Variants in ERBB4 observed in about 807,000 individuals in gnomAD.
The protein encoded by ERBB4 is erb-b2 receptor tyrosine kinase 4, also known as receptor tyrosine-protein kinase erbB-4.
ERBB4 carries 42 observed loss-of-function variants against 158.0 expected under a neutral mutation model. The ratio of observed to expected loss-of-function variants is 0.27; its 90% CI spans 0.21 to 0.34. The LOEUF (loss-of-function observed/expected upper bound fraction) is 0.34. Ranked by LOEUF, ERBB4 falls within the 10% of genes least tolerant of loss-of-function variation. ERBB4 has a pLI of 1.00. For missense variants in ERBB4, 1,333 were observed against 1,624.1 expected (o/e 0.82, Z 3.08); for synonymous variants, 583 against 558.7 (o/e 1.04, Z -0.61).
intron 2 of ERBB4, among the ~76,000 whole-genome samples, chr2:211,978,316 C>T (rs1304402813): frequency 6.6e-6 from 1 of 151,936 alleles, no homozygotes. Context: ...ACACAGACAA[C>T]TCCAAGGACC....
chr2:211,699,589 G>A (rs1473965071), intron 12 of ERBB4, among the ~76,000 whole-genome samples: 4 of 151,820 alleles, frequency 2.6e-5, no homozygotes, highest in South Asian at 2.1e-4. Context: ...ATTCTAAGAC[G>A]TTAAAAATGA....
chr2:211,862,109 C>T (rs1406746655), intron 3 of ERBB4, among the ~76,000 whole-genome samples: 1 of 152,046 alleles, frequency 6.6e-6, no homozygotes, highest in Non-Finnish European at 1.5e-5. Flanking sequence ...AAAGGTAGTG[C>T]CATATCTCTC....
chr2:211,604,868 T>G (rs1158756084), intron 19 of ERBB4, among the ~76,000 whole-genome samples: 1 of 152,222 alleles, frequency 6.6e-6, no homozygotes, highest in Non-Finnish European at 1.5e-5. Flanking sequence ...TTGGCATATA[T>G]ATAACCCTTT....
At chr2:211,419,525 C>T (rs1459882103) in intron 25 of ERBB4, among the ~76,000 whole-genome samples, 1 of 152,024 alleles carries the variant, frequency 6.6e-6, no homozygotes, top group Non-Finnish European at 1.5e-5. Flanking sequence ...AAAAATTAAG[C>T]ATCATGTTTA....
chr2:212,165,206 A>G (rs753503582), intron 1 of ERBB4, among the ~76,000 whole-genome samples: 3 of 151,886 alleles, frequency 2.0e-5, no homozygotes, highest in Non-Finnish European at 4.4e-5. Context: ...TGGTTCAATG[A>G]GTCATGCAAG....
intron 20 of ERBB4, among the ~76,000 whole-genome samples, chr2:211,474,726 A>G (rs1180361207): frequency 1.3e-5 from 2 of 152,082 alleles, no homozygotes; most frequent in East Asian, 3.9e-4. Context: ...GAAGACATAC[A>G]TTTCTGAACC....
intron 1 of ERBB4, among the ~76,000 whole-genome samples, chr2:212,194,861 A>C (rs2105887861): frequency 6.6e-6 from 1 of 152,168 alleles, no homozygotes; most frequent in Non-Finnish European, 1.5e-5. Flanking sequence ...GGAAGATAAA[A>C]GTTTTGGGGT....
intron 20 of ERBB4, among the ~76,000 whole-genome samples, chr2:211,442,948 C>T (rs970975779): frequency 7.9e-5 from 12 of 151,910 alleles, no homozygotes; most frequent in South Asian, 4.2e-4. Context: ...CTGTGAATGG[C>T]GTGTTCCTGT....
intron 3 of ERBB4, among the ~76,000 whole-genome samples, chr2:211,820,401 A>T (rs1437722433): frequency 6.6e-6 from 1 of 151,944 alleles, no homozygotes; most frequent in Non-Finnish European, 1.5e-5. Context: ...AAAATCCTGA[A>T]CACACCAATG....
intron 20 of ERBB4, among the ~76,000 whole-genome samples, chr2:211,459,814 C>T (rs554070604): frequency 6.6e-6 from 1 of 152,130 alleles, no homozygotes; most frequent in South Asian, 2.1e-4. Context: ...GGAAAGAAGT[C>T]ATAACATTTA....
At chr2:212,526,166 C>T (rs980798579) in intron 1 of ERBB4, among the ~76,000 whole-genome samples, 1 of 151,994 alleles carries the variant, frequency 6.6e-6, no homozygotes, top group African/African-American at 2.4e-5. Context: ...CAAACTTCAT[C>T]TGTACTTCTC....
intron 1 of ERBB4, among the ~76,000 whole-genome samples, chr2:212,378,644 T>C (rs187948674): frequency 6.6e-6 from 1 of 151,994 alleles, no homozygotes; most frequent in Non-Finnish European, 1.5e-5. Context: ...AATATTTTTA[T>C]TCAATCTTCT....
At chr2:211,582,093 T>C (rs12619171) in intron 19 of ERBB4, among the ~76,000 whole-genome samples, 110,907 of 151,914 alleles carry the variant, frequency 0.73, 43,094 homozygotes, top group East Asian at 0.89. Context: ...ACTACAGGCA[T>C]GACAATTACT....
At chr2:212,479,865 A>C (rs1435258731) in intron 1 of ERBB4, among the ~76,000 whole-genome samples, 1 of 152,200 alleles carries the variant, frequency 6.6e-6, no homozygotes, top group Non-Finnish European at 1.5e-5. Context: ...TCATTTTAAC[A>C]GAGGACTTCA....
chr2:212,030,797 C>A (rs1396294863), intron 2 of ERBB4, among the ~76,000 whole-genome samples: 2 of 152,016 alleles, frequency 1.3e-5, no homozygotes, highest in East Asian at 3.9e-4. Flanking sequence ...TTTCTGGCTG[C>A]CCCAATTGTA....
At chr2:212,344,962 A>G (rs936757174) in intron 1 of ERBB4, among the ~76,000 whole-genome samples, 7 of 152,140 alleles carry the variant, frequency 4.6e-5, no homozygotes, top group Non-Finnish European at 8.8e-5. Context: ...AATAATGTTT[A>G]TAAAAGTACT....
chr2:211,525,805 G>A (rs1284863381), intron 20 of ERBB4, among the ~76,000 whole-genome samples: 2 of 152,092 alleles, frequency 1.3e-5, no homozygotes, highest in South Asian at 2.1e-4. Context: ...CGAGAGTCTG[G>A]CAATACTCCC....
intron 19 of ERBB4, among the ~76,000 whole-genome samples, chr2:211,618,145 A>G (rs1288113242): frequency 2.0e-5 from 3 of 152,016 alleles, no homozygotes; most frequent in African/African-American, 7.2e-5. Context: ...AATAAATGTC[A>G]AGGGGTAATT....
chr2:211,666,269 A>T (rs1354947974), intron 14 of ERBB4, among the ~76,000 whole-genome samples: 1 of 152,156 alleles, frequency 6.6e-6, no homozygotes, highest in East Asian at 1.9e-4. Context: ...AAAATAGTCC[A>T]TAATAATAAA....
Sources: allele counts gnomAD v4.1 joint callset (sites outside exome capture counted in the v4.1 genomes callset), GRCh38; gene constraint gnomAD v4.1.1; transcripts MANE v1.5; gene names NCBI Gene and HGNC (gene_info 2026-07-23, HGNC 2026-07-21).